The following ARL5A variants were observed in gnomAD, a reference collection of about 807,000 sequenced individuals.
The protein encoded by ARL5A is ARF like GTPase 5A.
Under a neutral mutation model 25.9 loss-of-function variants are expected in ARL5A, and 18 were observed. The observed-to-expected ratio is 0.69, with a 90% CI of 0.48 to 1.03. The LOEUF (loss-of-function observed/expected upper bound fraction) is 1.03, where lower values mean the gene tolerates loss of function less well. ARL5A is among the 50% of genes least tolerant of loss of function. ARL5A has a pLI of 0.00. For missense variants in ARL5A, 170 were observed against 211.9 expected (o/e 0.80, Z 1.23); for synonymous variants, 61 against 67.5 (o/e 0.90, Z 0.47).
intron 1 of ARL5A, among the ~76,000 whole-genome samples, chr2:151,816,298 TAGAC>T (rs1217918589): frequency 6.6e-6 from 1 of 152,184 alleles, no homozygotes; most frequent in Non-Finnish European, 1.5e-5. Context: ...GCTGAGATGA[TAGAC>T]AGACAAATAA....
At chr2:151,818,648 T>C (rs2099831850) in intron 1 of ARL5A, among the ~76,000 whole-genome samples, 1 of 152,228 alleles carries the variant, frequency 6.6e-6, no homozygotes, top group Non-Finnish European at 1.5e-5. Flanking sequence ...CAAGGTACCT[T>C]TGCACCTAGA....
At chr2:151,812,951 C>T (rs140605642) in intron 3 of ARL5A, among the ~76,000 whole-genome samples, 65 of 152,226 alleles carry the variant, frequency 4.3e-4, no homozygotes, top group Non-Finnish European at 7.8e-4. Context: ...ACATAAGTAT[C>T]GCCTGCTACC....
At chr2:151,814,404 C>G (rs2099831230) in intron 2 of ARL5A, 88 bp from the exon 3 acceptor site, 1 of 1,035,914 alleles carries the variant, frequency 9.7e-7, no homozygotes, top group African/African-American at 1.7e-5. Context: ...TCAGCATGAC[C>G]TCCTTTTATA....
chr2:151,818,765 C>G (rs780906802), intron 1 of ARL5A, among the ~76,000 whole-genome samples: 2 of 152,182 alleles, frequency 1.3e-5, no homozygotes, highest in African/African-American at 2.4e-5. Context: ...TATTAATACA[C>G]GCACTCATAA....
At chr2:151,815,534 G>A (rs2099831388) in intron 1 of ARL5A, among the ~76,000 whole-genome samples, 1 of 152,146 alleles carries the variant, frequency 6.6e-6, no homozygotes, top group Non-Finnish European at 1.5e-5. Flanking sequence ...ATGACTTAAA[G>A]TATAAATGTT....
At chr2:151,808,516 G>C (rs2099830391) in intron 4 of ARL5A, among the ~76,000 whole-genome samples, 1 of 152,136 alleles carries the variant, frequency 6.6e-6, no homozygotes. Flanking sequence ...CTGCAGGATG[G>C]CAGCTATTAA....
intron 1 of ARL5A, among the ~76,000 whole-genome samples, chr2:151,823,531 A>T (rs1222614834): frequency 6.6e-6 from 1 of 152,184 alleles, no homozygotes; most frequent in Admixed American, 6.5e-5. Context: ...AACATCAAAA[A>T]AATATTACAG....
chr2:151,828,229 C>G lies in ARL5A; in HGVS notation c.-53G>C, dbSNP rs966744158. On this transcript the variant is annotated 5_prime_UTR_variant, in exon 1 of 6. Coordinates refer to ENST00000295087, the MANE Select transcript of ARL5A (RefSeq NM_012097.4). Reference sequence around the variant, plus strand: ...GACACCCGGGCCGCCTGGCTTCCCCCGGCTCAGGCTGAGGGGGAGGAGAGA... The same window carrying G: ...GACACCCGGGCCGCCTGGCTTCCCCGGGCTCAGGCTGAGGGGGAGGAGAGA... 2 of 1,560,976 alleles carry G rather than the reference C, an allele frequency of 1.3e-6. No homozygotes were observed. The highest frequency in any genetic ancestry group is 8.8e-7 in the Non-Finnish European group (1 of 1,137,148).
chr2:151,805,934 CTCT>C (rs2099830048), intron 5 of ARL5A, among the ~76,000 whole-genome samples: 3 of 151,936 alleles, frequency 2.0e-5, no homozygotes, highest in Non-Finnish European at 4.4e-5. Context: ...TTCCAACCTC[CTCT>C]ATTTTATCTT....
intron 4 of ARL5A, among the ~76,000 whole-genome samples, chr2:151,808,697 T>C (rs1268122982): frequency 1.3e-5 from 2 of 152,358 alleles, no homozygotes; most frequent in Middle Eastern, 3.4e-3. Context: ...TGTATACATA[T>C]AGTCATTATC....
intron 4 of ARL5A, 122 bp from the exon 5 acceptor site, chr2:151,807,094 A>T (rs2099830194): frequency 9.5e-6 from 8 of 842,538 alleles, no homozygotes; most frequent in Non-Finnish European, 1.5e-5. Context: ...ACATAAAAGC[A>T]TCTCAGTGCC....
chr2:151,827,210 T>C (rs1476941350), intron 1 of ARL5A, among the ~76,000 whole-genome samples: 1 of 152,220 alleles, frequency 6.6e-6, no homozygotes, highest in African/African-American at 2.4e-5. Context: ...CACTGTATCT[T>C]AATAAGTATC....
In ARL5A at chr2:151,826,928, CTG is replaced by C. The variant is rs202078189; in HGVS notation, c.46+1201_46+1202del. Among the ~76,000 whole-genome samples the C allele has an allele frequency of 5.2e-3, 776 of 150,618 alleles. 6 individuals are homozygous for C. The highest frequency in any genetic ancestry group is 0.017 in the African/African-American group (712 of 41,300). ...TTTCGGTATCACGTGACCTACACAT[CTG>C]TGTGTGTGTGTGTGTGCGTAAAAGA... On this transcript the variant is annotated intron_variant, in intron 1 of 5. Coordinates refer to ENST00000295087, the MANE Select transcript of ARL5A (RefSeq NM_012097.4).
At chr2:151,809,646 T>C (rs915798478) in intron 4 of ARL5A, among the ~76,000 whole-genome samples, 8 of 152,238 alleles carry the variant, frequency 5.3e-5, no homozygotes, top group Non-Finnish European at 1.2e-4. Context: ...ACATAAACCA[T>C]TTCAAACACT....
chr2:151,805,277 A>C (rs139315195), intron 5 of ARL5A, among the ~76,000 whole-genome samples: 189 of 152,158 alleles, frequency 1.2e-3, no homozygotes, highest in African/African-American at 4.2e-3. Flanking sequence ...TCCAAATGTC[A>C]GTAACAGTGC....
At chr2:151,821,501 C>T (rs975314879) in intron 1 of ARL5A, among the ~76,000 whole-genome samples, 1 of 152,222 alleles carries the variant, frequency 6.6e-6, no homozygotes, top group Admixed American at 6.5e-5. Context: ...AGGATCTTTA[C>T]CTCCTTACTC....
intron 1 of ARL5A, among the ~76,000 whole-genome samples, chr2:151,825,873 C>T (rs762463168): frequency 1.1e-4 from 17 of 151,576 alleles, no homozygotes; most frequent in Non-Finnish European, 2.9e-5. Flanking sequence ...GCCTGTAATC[C>T]CAGCACTTTG....
At chr2:151,821,370 A>G (rs2099832278) in intron 1 of ARL5A, among the ~76,000 whole-genome samples, 1 of 152,202 alleles carries the variant, frequency 6.6e-6, no homozygotes, top group Non-Finnish European at 1.5e-5. Context: ...CAAAAACAAA[A>G]AGGAGGAAAG....
intron 1 of ARL5A, among the ~76,000 whole-genome samples, chr2:151,819,630 A>AT (rs976932349): frequency 5.9e-5 from 9 of 151,996 alleles, no homozygotes. Context: ...TAGTACAGGT[A>AT]TTTTTTTAAG....
Sources: gnomAD v4.1 joint callset for allele counts (sites outside exome capture counted in the v4.1 genomes callset) on GRCh38, gnomAD v4.1.1 for gene constraint, MANE v1.5 for transcripts, NCBI Gene and HGNC (gene_info 2026-07-23, HGNC 2026-07-21) for gene names.